PACSIN1: variants seen among roughly 807,000 people sequenced by gnomAD.
PACSIN1 encodes the protein protein kinase C and casein kinase substrate in neurons protein 1.
A neutral mutation model predicts 59.5 loss-of-function variants in PACSIN1; 15 were observed. That is an observed-to-expected ratio of 0.25 (90% CI 0.17 to 0.39). PACSIN1 has a LOEUF of 0.39. Among genes scored for constraint, PACSIN1 ranks in the 10% least tolerant of loss-of-function variants. PACSIN1 has a pLI of 1.00. For missense variants in PACSIN1, 420 were observed against 580.2 expected, an observed-to-expected ratio of 0.72 and a Z score of 2.84; for synonymous variants, 210 against 220.6, an observed-to-expected ratio of 0.95 and a Z score of 0.42.
Position 34,531,503 on chromosome 6 carries a change from T to C in PACSIN1, c.1038-97T>C, listed in dbSNP as rs1381652487. On this transcript the variant is annotated intron_variant, in intron 8 of 9. Transcript: ENST00000244458. This position sits in a 1 kb window ranked among gnomAD's most constrained non-coding sequence, Gnocchi z 4.4. Reference sequence around the variant, plus strand: ...TGGCCAATCCTTGCTCTAGCCTTGGTAGAATTCGGGATCAGGGCTCTGATT... The same window carrying C: ...TGGCCAATCCTTGCTCTAGCCTTGGCAGAATTCGGGATCAGGGCTCTGATT... The C allele has an allele frequency of 1.6e-6, 2 of 1,277,748 alleles. No individual in the cohort carries two copies. The highest frequency in any genetic ancestry group is 1.3e-5 in the South Asian group (1 of 74,622). 79.2% of individuals were successfully genotyped at this position (1,277,748 alleles called of 1,614,324 possible).
chr6:34,529,957 G>T lies in PACSIN1; in HGVS notation c.788+116G>T. The T allele has an allele frequency of 8.4e-7, 1 of 1,195,436 alleles. No homozygotes were observed. Among genetic ancestry groups the T allele is most frequent in the Non-Finnish European group, 1.2e-6 (1 of 853,228 alleles). 74.1% of individuals were successfully genotyped at this position (1,195,436 alleles called of 1,614,324 possible). A position where few individuals can be genotyped will look rare whatever the true frequency, so the allele number is the denominator to read the frequency against. Reference sequence around the variant, plus strand: ...ACGGGAAGGGGAGGCAGAGCTGCAGGGGTCAAGAAGGATGAGGCTTCAAAC... The same window carrying T: ...ACGGGAAGGGGAGGCAGAGCTGCAGTGGTCAAGAAGGATGAGGCTTCAAAC... On this transcript the variant is annotated intron_variant, in intron 6 of 9. Transcript: ENST00000244458. The surrounding 1 kb of genome is among the most constrained non-coding windows in gnomAD (Gnocchi z 6.3).
chr6:34,484,899 T>G (rs1420919907), intron 1 of PACSIN1, among the ~76,000 whole-genome samples: 3 of 151,456 alleles, frequency 2.0e-5, no homozygotes, highest in Non-Finnish European at 2.9e-5. Flanking sequence ...GGGCATGGGC[T>G]GGCTGTTCTG....
chr6:34,530,369 G>A lies in PACSIN1; in HGVS notation c.909+6G>A, dbSNP rs377675896. On this transcript the variant is annotated splice_donor_region_variant and intron_variant, in intron 7 of 9. Transcript: ENST00000244458. This position sits in a 1 kb window ranked among gnomAD's most constrained non-coding sequence, Gnocchi z 4.4. The stretch of plus-strand genomic sequence containing the variant: ...TGAACTGGCCCCAGTTTGAGGTGAG[G>A]ATATGTGGGGATGGGAAGGGGAGCC... The A allele has an allele frequency of 6.2e-6, 10 of 1,612,970 alleles. No individual in the cohort carries two copies. The highest frequency in any genetic ancestry group is 4.0e-5 in the African/African-American group (3 of 74,874).
chr6:34,488,821 A>G lies in PACSIN1; in HGVS notation c.-64+22551A>G, dbSNP rs1012137062. ...GCAATCCTCCCTCCTTTGCCTCCCA[A>G]AATGCTGGGATTACAGGCGTGAGCC... On this transcript the variant is annotated intron_variant, in intron 1 of 9. Coordinates refer to ENST00000244458, the MANE Select transcript of PACSIN1 (RefSeq NM_020804.5). The surrounding 1 kb of genome is among the most constrained non-coding windows in gnomAD (Gnocchi z 4.7). Among the ~76,000 whole-genome samples the G allele has an allele frequency of 3.9e-5, 6 of 152,052 alleles. No individual in the cohort carries two copies. Among genetic ancestry groups the G allele is most frequent in the Non-Finnish European group, 8.8e-5 (6 of 68,016 alleles).
chr6:34,527,666 T>C, intron 3 of PACSIN1, 178 bp downstream of exon 3: 1 of 428,476 alleles, frequency 2.3e-6, no homozygotes, highest in Non-Finnish European at 4.0e-6. Context: ...CTCTATTTTG[T>C]ACAATTTTAG....
At chr6:34,512,820 TAA>T (rs1767226106) in intron 1 of PACSIN1, among the ~76,000 whole-genome samples, 1 of 152,226 alleles carries the variant, frequency 6.6e-6, no homozygotes, top group Admixed American at 6.5e-5. Flanking sequence ...AGATCTTTCT[TAA>T]TGGAATCAAT....
chr6:34,474,855 A>G (rs957431148), intron 1 of PACSIN1, among the ~76,000 whole-genome samples: 3 of 150,160 alleles, frequency 2.0e-5, no homozygotes, highest in African/African-American at 7.3e-5. Flanking sequence ...CGGCTGCCCA[A>G]TACCTCAGAC....
Position 34,529,906 on chromosome 6 carries a change from G to C in PACSIN1, c.788+65G>C. ...CAGCAGATGGTGTGACTGGCATGCA[G>C]GGCATCCCAGCCCTCCATCACAGTG... is the stretch of plus-strand genomic sequence containing the variant. On this transcript the variant is annotated intron_variant, in intron 6 of 9. Transcript: ENST00000244458. This position sits in a 1 kb window ranked among gnomAD's most constrained non-coding sequence, Gnocchi z 6.3. 1 of 1,512,450 alleles carries C rather than the reference G, an allele frequency of 6.6e-7. No individual in the cohort carries two copies. Among genetic ancestry groups the C allele is most frequent in the Non-Finnish European group, 9.0e-7 (1 of 1,108,432 alleles). The allele number at this position is 1,512,450 out of a possible 1,614,324, so 93.7% of individuals were successfully genotyped here.
chr6:34,507,271 G>C (rs534836497), intron 1 of PACSIN1, among the ~76,000 whole-genome samples: 1 of 152,252 alleles, frequency 6.6e-6, no homozygotes, highest in African/African-American at 2.4e-5. Flanking sequence ...TGGGCAAAAA[G>C]AAAACCCAGG....
At chr6:34,478,033 A>G (rs1766662420) in intron 1 of PACSIN1, among the ~76,000 whole-genome samples, 1 of 148,402 alleles carries the variant, frequency 6.7e-6, no homozygotes, top group Non-Finnish European at 1.5e-5. Flanking sequence ...GATTACAGGC[A>G]TGAGCCACCA....
At chr6:34,474,754 C>T (rs1422941639) in intron 1 of PACSIN1, among the ~76,000 whole-genome samples, 1 of 133,868 alleles carries the variant, frequency 7.5e-6, no homozygotes, top group Non-Finnish European at 1.5e-5. Flanking sequence ...CATACCACTG[C>T]ATCCAGCCTG....
chr6:34,466,557 G>T (rs1040345826), intron 1 of PACSIN1, among the ~76,000 whole-genome samples: 7 of 152,310 alleles, frequency 4.6e-5, no homozygotes, highest in African/African-American at 1.4e-4. Context: ...CCGGAAATAG[G>T]TTCCTTGGGA....
intron 1 of PACSIN1, among the ~76,000 whole-genome samples, chr6:34,494,403 C>T (rs553014081): frequency 1.3e-5 from 2 of 152,286 alleles, no homozygotes; most frequent in South Asian, 4.1e-4. Context: ...TAAAAAGATT[C>T]TGATTCAGTA....
intron 1 of PACSIN1, among the ~76,000 whole-genome samples, chr6:34,502,031 C>CAAAAA (rs55848755): frequency 1.5e-5 from 1 of 67,204 alleles, no homozygotes; most frequent in African/African-American, 5.2e-5. Flanking sequence ...GACTCTGTCT[C>CAAAAA]AAAAAAAAAA....
chr6:34,500,348 G>A (rs756768412), intron 1 of PACSIN1, among the ~76,000 whole-genome samples: 1 of 152,218 alleles, frequency 6.6e-6, no homozygotes, highest in East Asian at 1.9e-4. Context: ...GCAGGGAAGT[G>A]TAGGAATTGA....
intron 1 of PACSIN1, among the ~76,000 whole-genome samples, chr6:34,520,163 G>A (rs991359982): frequency 3.3e-5 from 5 of 152,118 alleles, no homozygotes; most frequent in Non-Finnish European, 5.9e-5. Context: ...GGCTCTAGTG[G>A]ACACGGTGCA....
chr6:34,513,152 T>G (rs915750393), intron 1 of PACSIN1, among the ~76,000 whole-genome samples: 1 of 152,314 alleles, frequency 6.6e-6, no homozygotes, highest in Middle Eastern at 3.4e-3. Flanking sequence ...ATGGATGAAA[T>G]GCCCCATTTC....
chr6:34,527,395 A>T lies in PACSIN1; in HGVS notation c.127A>T (p.Met43Leu). ...CGGCCACCGTCTATGCAACGACCTG[A>T]TGAACTGCGTGCAGGAGCGCGCCAA... ...DDGHRLCNDL[M>L]NCVQERAKIE... Residue 43 changes from methionine to leucine, a missense_variant, in exon 3 of 10, where the codon ATG becomes TTG. Transcript: ENST00000244458. 2 of 1,601,646 alleles carry T rather than the reference A, an allele frequency of 1.2e-6. No homozygotes were observed. The highest frequency in any genetic ancestry group is 1.7e-6 in the Non-Finnish European group (2 of 1,175,294).
At chr6:34,475,145 T>C (rs1766620847) in intron 1 of PACSIN1, among the ~76,000 whole-genome samples, 1 of 152,216 alleles carries the variant, frequency 6.6e-6, no homozygotes, top group South Asian at 2.1e-4. Flanking sequence ...GTTGGTTTCT[T>C]GTCTGTCCCC....
Sources: allele counts gnomAD v4.1 joint callset (sites outside exome capture counted in the v4.1 genomes callset), GRCh38; gene constraint gnomAD v4.1.1; non-coding constraint Gnocchi (gnomAD v3.1); transcripts MANE v1.5; gene names NCBI Gene and HGNC (gene_info 2026-07-23, HGNC 2026-07-21).